PRDM16: variants seen among roughly 807,000 people sequenced by gnomAD.
PRDM16 encodes the protein PR/SET domain 16.
In PRDM16, 23 loss-of-function variants were observed where a neutral mutation model predicts 110.6. The observed-to-expected ratio is 0.21, with a 90% confidence interval of 0.15 to 0.29. The LOEUF is 0.29. PRDM16 is among the 10% of genes least tolerant of loss of function. The pLI is 1.00. For missense variants in PRDM16, 1,615 were observed against 1,794.3 expected, an observed-to-expected ratio of 0.90 and a Z score of 1.81; for synonymous variants, 799 against 781.8, an observed-to-expected ratio of 1.02 and a Z score of -0.37.
At chr1:3,297,043 A>G (rs1159948649) in intron 3 of PRDM16, among the ~76,000 whole-genome samples, 3 of 152,166 alleles carry the variant, frequency 2.0e-5, no homozygotes, top group African/African-American at 2.4e-5. Flanking sequence ...AGTAAAAACC[A>G]TAATGGCTGC....
At chr1:3,253,894 T>G (rs1158251772) in intron 3 of PRDM16, among the ~76,000 whole-genome samples, 1 of 152,168 alleles carries the variant, frequency 6.6e-6, no homozygotes, top group African/African-American at 2.4e-5. Flanking sequence ...TTTTAATGAT[T>G]GCCATTCTGA....
chr1:3,266,490 C>G (rs902086318), intron 3 of PRDM16, among the ~76,000 whole-genome samples: 3 of 152,186 alleles, frequency 2.0e-5, no homozygotes, highest in African/African-American at 7.2e-5. Context: ...ATTTGCAAAG[C>G]TCTTAATCAG....
Position 3,213,334 on chromosome 1 carries a change from A to T in PRDM16, c.387+26860A>T, listed in dbSNP as rs1182322683. ...CCATTTCTGCTTAATTTGCTGACAC[A>T]AATCACCCTAACTATTTTGCTGGGG... On this transcript the variant is annotated intron_variant, in intron 2 of 16. Transcript: ENST00000270722. The surrounding 1 kb of genome is among the most constrained non-coding windows in gnomAD (Gnocchi z 5.3). Among the ~76,000 whole-genome samples, 3 of 151,842 alleles carry T rather than the reference A, an allele frequency of 2.0e-5. No homozygotes were observed. Among genetic ancestry groups the T allele is most frequent in the African/African-American group, 7.3e-5 (3 of 41,314 alleles).
At chr1:3,164,726 G>A (rs1643931449) in intron 1 of PRDM16, among the ~76,000 whole-genome samples, 2 of 152,288 alleles carry the variant, frequency 1.3e-5, no homozygotes, top group South Asian at 2.1e-4. Context: ...TCACGGTCCC[G>A]CGTGATCATG....
At chr1:3,127,417 T>C (rs1027873921) in intron 1 of PRDM16, among the ~76,000 whole-genome samples, 3 of 152,144 alleles carry the variant, frequency 2.0e-5, no homozygotes, top group Admixed American at 1.3e-4. Flanking sequence ...CCCCTTCACA[T>C]TGTGGGTGCA....
chr1:3,288,638 C>T (rs1275499716), intron 3 of PRDM16, among the ~76,000 whole-genome samples: 2 of 152,146 alleles, frequency 1.3e-5, no homozygotes, highest in African/African-American at 4.8e-5. Context: ...CCACCCATAG[C>T]CCCTCCCCCA....
At chr1:3,351,672 C>A (rs564273764) in intron 3 of PRDM16, among the ~76,000 whole-genome samples, 74 of 50,512 alleles carry the variant, frequency 1.5e-3, no homozygotes, top group African/African-American at 6.0e-3. Flanking sequence ...CCTCTTTCTC[C>A]CCTCCCTCTT....
At chr1:3,151,432 G>A (rs1032368915) in intron 1 of PRDM16, among the ~76,000 whole-genome samples, 2 of 152,236 alleles carry the variant, frequency 1.3e-5, no homozygotes, top group South Asian at 2.1e-4. Context: ...ACCTTGCCCA[G>A]CCAGGCCATG....
chr1:3,305,108 G>A (rs902833141), intron 3 of PRDM16, among the ~76,000 whole-genome samples: 9 of 152,170 alleles, frequency 5.9e-5, no homozygotes, highest in Admixed American at 1.3e-4. Context: ...GCTCCAGGCC[G>A]GAAAGCCTAC....
chr1:3,275,661 A>T (rs1357121473), intron 3 of PRDM16, among the ~76,000 whole-genome samples: 3 of 152,078 alleles, frequency 2.0e-5, no homozygotes, highest in Non-Finnish European at 4.4e-5. Context: ...TTCCCTCAAG[A>T]ACTCCATCCG....
In PRDM16 at chr1:3,246,981, C is replaced by T. The variant is rs1639804685; in HGVS notation, c.438+2844C>T. Reference sequence around the variant, plus strand: ...CCACTTAGAGCTGTTGGTATAGGTGCGATGTGTGGATTGCTGCCGTAACTG... The same window carrying T: ...CCACTTAGAGCTGTTGGTATAGGTGTGATGTGTGGATTGCTGCCGTAACTG... On this transcript the variant is annotated intron_variant, in intron 3 of 16. Coordinates refer to ENST00000270722, the MANE Select transcript of PRDM16 (RefSeq NM_022114.4). The surrounding 1 kb of genome is among the most constrained non-coding windows in gnomAD (Gnocchi z 5.2). 6.6e-6 allele frequency among the ~76,000 whole-genome samples: 1 copy of T among 152,104 alleles called. No homozygotes were observed. The highest frequency in any genetic ancestry group is 2.4e-5 in the African/African-American group (1 of 41,414).
At chr1:3,199,852 G>C (rs1435336771) in intron 2 of PRDM16, among the ~76,000 whole-genome samples, 1 of 152,206 alleles carries the variant, frequency 6.6e-6, no homozygotes, top group African/African-American at 2.4e-5. Context: ...GGTGCACCCT[G>C]TCTCAAGTCT....
In PRDM16 at chr1:3,190,794, T is replaced by C. The variant is rs1638289659; in HGVS notation, c.387+4320T>C. Among the ~76,000 whole-genome samples, 6 of 152,354 alleles carry C rather than the reference T, an allele frequency of 3.9e-5. No individual in the cohort carries two copies. Among genetic ancestry groups the C allele is most frequent in the Admixed American group, 3.9e-4 (6 of 15,310 alleles). On this transcript the variant is annotated intron_variant, in intron 2 of 16. Transcript: ENST00000270722. The surrounding 1 kb of genome is among the most constrained non-coding windows in gnomAD (Gnocchi z 5.0). ...CTCGCCGTGGGGTCTGCAAAAACAA[T>C]GATTTTCACATTTGTTGAGTAAATC...
Position 3,270,678 on chromosome 1 carries a change from A to AGAGGAGGACAGTCCCG in PRDM16, c.438+26554_438+26555insCCGGAGGAGGACAGTC, listed in dbSNP as rs1569964957. Among the ~76,000 whole-genome samples the AGAGGAGGACAGTCCCG allele has an allele frequency of 9.5e-5, 11 of 116,394 alleles. No individual in the cohort carries two copies. In the East Asian group the frequency reaches 2.7e-3, roughly 29 times the overall value. 76.4% of individuals were successfully genotyped at this position (116,394 alleles called of 152,430 possible). A position where few individuals can be genotyped will look rare whatever the true frequency, so the allele number is the denominator to read the frequency against. ...GAACAGTCAGGAGGAGGACAGTCCC[A>AGAGGAGGACAGTCCCG]GAGGAGGACAGTCGGGGAGGACAGT... On this transcript the variant is annotated intron_variant, in intron 3 of 16. Transcript: ENST00000270722.
At chr1:3,115,289 G>C (rs1228377369) in intron 1 of PRDM16, among the ~76,000 whole-genome samples, 1 of 152,254 alleles carries the variant, frequency 6.6e-6, no homozygotes, top group Non-Finnish European at 1.5e-5. Context: ...CCATCAGTGG[G>C]GGCAGAGGGG....
chr1:3,384,761 C>T (rs1479950288), intron 3 of PRDM16, among the ~76,000 whole-genome samples: 1 of 152,264 alleles, frequency 6.6e-6, no homozygotes, highest in Non-Finnish European at 1.5e-5. Flanking sequence ...TTCTCTAGCG[C>T]AGCGTCCCAG....
At chr1:3,391,791 C>T (rs914177768) in intron 4 of PRDM16, among the ~76,000 whole-genome samples, 3 of 152,222 alleles carry the variant, frequency 2.0e-5, no homozygotes, top group Non-Finnish European at 2.9e-5. Flanking sequence ...CCGCTCAGCA[C>T]GGAGGAAGCC....
At chr1:3,118,164 G>A (rs997865734) in intron 1 of PRDM16, among the ~76,000 whole-genome samples, 5 of 151,874 alleles carry the variant, frequency 3.3e-5, no homozygotes, top group Non-Finnish European at 1.5e-5. Context: ...CTCATGCTGT[G>A]TGTGTTTGGA....
chr1:3,075,704 C>T (rs1356522947), intron 1 of PRDM16, among the ~76,000 whole-genome samples: 1 of 152,276 alleles, frequency 6.6e-6, no homozygotes, highest in East Asian at 1.9e-4. Context: ...TGCGCGTTTT[C>T]CGCGCTGATG....
Sources: gnomAD v4.1 joint callset for allele counts (sites outside exome capture counted in the v4.1 genomes callset) on GRCh38, gnomAD v4.1.1 for gene constraint, Gnocchi (gnomAD v3.1) non-coding constraint, MANE v1.5 for transcripts, NCBI Gene and HGNC (gene_info 2026-07-23, HGNC 2026-07-21) for gene names.